FZD6: variants seen among roughly 807,000 people sequenced by gnomAD.
The protein encoded by FZD6 is frizzled class receptor 6.
Under a neutral mutation model 61.4 loss-of-function variants are expected in FZD6, and 49 were observed. The observed-to-expected ratio is 0.80, with a 90% CI of 0.63 to 1.01. The LOEUF (loss-of-function observed/expected upper bound fraction) is 1.01. Ranked by LOEUF, FZD6 falls within the 50% of genes least tolerant of loss-of-function variation. The pLI is 0.00. For missense variants in FZD6, 724 were observed against 848.2 expected, an observed-to-expected ratio of 0.85 and a Z score of 1.82; for synonymous variants, 265 against 292.2, an observed-to-expected ratio of 0.91 and a Z score of 0.95.
At chr8:103,303,149 G>A in intron 2 of FZD6, among the ~76,000 whole-genome samples, 1 of 152,116 alleles carries the variant, frequency 6.6e-6, no homozygotes, top group East Asian at 1.9e-4. Context: ...GGCCCTTCAT[G>A]TGGGACCCTG....
intron 2 of FZD6, among the ~76,000 whole-genome samples, chr8:103,308,091 T>C (rs1432598525): frequency 6.6e-6 from 1 of 152,182 alleles, no homozygotes; most frequent in Non-Finnish European, 1.5e-5. Context: ...GAAGGAAAAG[T>C]CTATGCTATT....
At chr8:103,330,961 A>C (rs1815102928) in intron 6 of FZD6, among the ~76,000 whole-genome samples, 1 of 152,166 alleles carries the variant, frequency 6.6e-6, no homozygotes, top group African/African-American at 2.4e-5. Context: ...GCAGATCACA[A>C]GGTCAGGAGA....
chr8:103,306,313 C>G (rs986079482), intron 2 of FZD6, among the ~76,000 whole-genome samples: 3 of 152,086 alleles, frequency 2.0e-5, no homozygotes, highest in Non-Finnish European at 4.4e-5. Context: ...TGATCACATT[C>G]GTGAAAATAG....
At chr8:103,314,677 C>G (rs552545369) in intron 2 of FZD6, among the ~76,000 whole-genome samples, 1 of 152,186 alleles carries the variant, frequency 6.6e-6, no homozygotes, top group Non-Finnish European at 1.5e-5. Flanking sequence ...CTATTGTCCT[C>G]TAATTGTTGG....
At chr8:103,315,421 A>T (rs1172181063) in intron 2 of FZD6, among the ~76,000 whole-genome samples, 1 of 152,232 alleles carries the variant, frequency 6.6e-6, no homozygotes, top group South Asian at 2.1e-4. Flanking sequence ...AATATTACTC[A>T]GCAATTAAAA....
chr8:103,326,616 T>A (rs1814956830), intron 4 of FZD6, among the ~76,000 whole-genome samples: 1 of 151,710 alleles, frequency 6.6e-6, no homozygotes, highest in Admixed American at 6.6e-5. Flanking sequence ...GGATATAATA[T>A]TCCTGTAGTT....
intron 3 of FZD6, among the ~76,000 whole-genome samples, chr8:103,320,271 A>G (rs866148144): frequency 2.0e-5 from 3 of 152,210 alleles, no homozygotes; most frequent in Admixed American, 2.0e-4. Flanking sequence ...GAATGAGTCA[A>G]TTAGAGAGGC....
chr8:103,328,613 T>C (rs1014249947), intron 5 of FZD6, among the ~76,000 whole-genome samples, 197 bp downstream of exon 5: 1 of 152,188 alleles, frequency 6.6e-6, no homozygotes, highest in South Asian at 2.1e-4. Context: ...CTTTGACATA[T>C]ACTATTTATC....
chr8:103,322,316 C>T (rs1814812368), intron 3 of FZD6, among the ~76,000 whole-genome samples: 1 of 148,540 alleles, frequency 6.7e-6, no homozygotes, highest in East Asian at 2.0e-4. Flanking sequence ...AAGAGGATTG[C>T]TTGAGTCCAG....
intron 2 of FZD6, among the ~76,000 whole-genome samples, chr8:103,314,539 G>C (rs1477443437): frequency 6.6e-6 from 1 of 152,094 alleles, no homozygotes; most frequent in African/African-American, 2.4e-5. Context: ...AGGTGACAAA[G>C]GATCCAATCT....
At chr8:103,316,678 ATT>A (rs1814633485) in intron 2 of FZD6, among the ~76,000 whole-genome samples, 1 of 152,098 alleles carries the variant, frequency 6.6e-6, no homozygotes, top group African/African-American at 2.4e-5. Flanking sequence ...TTTTATAGTC[ATT>A]TTTTCATTTT....
Position 103,318,670 on chromosome 8 carries a change from A to G in FZD6, c.258A>G (p.Ile86Met). Residue 86 changes from isoleucine to methionine, a missense_variant, in exon 3 of 7, where the codon ATA (isoleucine) becomes ATG (methionine). By Grantham distance (10) the Ile-to-Met change is conservative. Coordinates refer to ENST00000358755, the MANE Select transcript of FZD6 (RefSeq NM_003506.4). The stretch of plus-strand genomic sequence containing the variant: ...GCAAAGCATTTGTACCAACCTGCAT[A>G]GAACAAATTCATGTGGTTCCACCTT... ...FLCKAFVPTC[I>M]EQIHVVPPCR... The G allele has an allele frequency of 6.2e-7, 1 of 1,606,584 alleles. No individual in the cohort carries two copies. Among genetic ancestry groups the G allele is most frequent in the Non-Finnish European group, 8.5e-7 (1 of 1,173,074 alleles).
chr8:103,312,917 C>T (rs1814536863), intron 2 of FZD6, among the ~76,000 whole-genome samples: 1 of 152,120 alleles, frequency 6.6e-6, no homozygotes, highest in African/African-American at 2.4e-5. Context: ...GAGTTTCTTT[C>T]ATGTGGAAGA....
chr8:103,300,165 A>AGT lies in FZD6; in HGVS notation c.59_60dup (p.Leu21ValfsTer14). The AGT allele has an allele frequency of 6.2e-7, 1 of 1,602,664 alleles. No homozygotes were observed. Among genetic ancestry groups the AGT allele is most frequent in the Non-Finnish European group, 8.6e-7 (1 of 1,169,470 alleles). On this transcript the variant is annotated frameshift_variant, in exon 2 of 7. Coordinates refer to ENST00000358755, the MANE Select transcript of FZD6 (RefSeq NM_003506.4). LOFTEE classifies it high-confidence loss of function. ...TTTTCTACCCCTCCTAAGAGGGCAC[A>AGT]GTCTCTTCACCTGTGAACCAATTAC...
intron 2 of FZD6, among the ~76,000 whole-genome samples, chr8:103,317,987 A>G (rs1814679763): frequency 6.6e-6 from 1 of 152,128 alleles, no homozygotes; most frequent in Non-Finnish European, 1.5e-5. Context: ...TGTATTTTGC[A>G]TACTTTGGGT....
chr8:103,325,299 A>G lies in FZD6; in HGVS notation c.1193A>G (p.Gln398Arg), dbSNP rs766830082. Reference sequence around the variant, plus strand: ...ATTATTTCCTTAAATCATGTTCGACAAGTCATACAACATGATGGCCGGAAC... The same window carrying G: ...ATTATTTCCTTAAATCATGTTCGACGAGTCATACAACATGATGGCCGGAAC... ...AGIISLNHVRQVIQHDGRNQE... is the reference protein window; with the variant it reads ...AGIISLNHVRRVIQHDGRNQE... Residue 398 changes from glutamine (Q) to arginine (R), a missense_variant, in exon 4 of 7, where the codon CAA (glutamine) becomes CGA (arginine). Physicochemically the swap from Gln to Arg is conservative, Grantham distance 43. Transcript: ENST00000358755. 21 of 1,613,880 alleles carry G rather than the reference A, an allele frequency of 1.3e-5. No individual in the cohort carries two copies. The highest frequency in any genetic ancestry group is 1.6e-5 in the Non-Finnish European group (19 of 1,179,840).
At chr8:103,311,237 C>T (rs1814488608) in intron 2 of FZD6, among the ~76,000 whole-genome samples, 1 of 152,166 alleles carries the variant, frequency 6.6e-6, no homozygotes, top group African/African-American at 2.4e-5. Flanking sequence ...TTGCAGCTTC[C>T]TCAAATAATC....
At chr8:103,311,172 C>T (rs933532053) in intron 2 of FZD6, among the ~76,000 whole-genome samples, 1 of 152,166 alleles carries the variant, frequency 6.6e-6, no homozygotes, top group Non-Finnish European at 1.5e-5. Context: ...TTGGATACTT[C>T]CTGAGCCATT....
intron 2 of FZD6, among the ~76,000 whole-genome samples, chr8:103,312,806 T>G (rs1464503841): frequency 6.6e-6 from 1 of 152,228 alleles, no homozygotes; most frequent in South Asian, 2.1e-4. Context: ...TACTTGCTCT[T>G]GCTTCAGGAG....
Sources: gnomAD v4.1 joint callset for allele counts (sites outside exome capture counted in the v4.1 genomes callset) on GRCh38, gnomAD v4.1.1 for gene constraint, MANE v1.5 for transcripts, NCBI Gene and HGNC (gene_info 2026-07-23, HGNC 2026-07-21) for gene names.